LRBA: variants seen among roughly 807,000 people sequenced by gnomAD.
LRBA encodes lipopolysaccharide-responsive and beige-like anchor protein.
Under a neutral mutation model 330.0 loss-of-function variants are expected in LRBA, and 176 were observed. The ratio of observed to expected loss-of-function variants is 0.53; its 90% CI spans 0.47 to 0.60. The LOEUF is 0.60. Among genes scored for constraint, LRBA ranks in the 20% least tolerant of loss-of-function variants. The pLI, the probability that LRBA is intolerant of heterozygous loss-of-function variation, is 0.00. For synonymous variants in LRBA, 1,230 were observed against 1,193.0 expected, an observed-to-expected ratio of 1.03 and a Z score of -0.64; for missense variants, 3,259 against 3,444.8, an observed-to-expected ratio of 0.95 and a Z score of 1.35.
chr4:150,390,414 T>C (rs1420305393), intron 47 of LRBA, among the ~76,000 whole-genome samples: 7 of 152,216 alleles, frequency 4.6e-5, no homozygotes, highest in African/African-American at 1.7e-4. Context: ...CCATCTGACC[T>C]GCCTTTGCTA....
chr4:150,958,558 G>T (rs1247735025), intron 2 of LRBA, among the ~76,000 whole-genome samples: 1 of 149,204 alleles, frequency 6.7e-6, no homozygotes, highest in Non-Finnish European at 1.5e-5. Flanking sequence ...CTTTACTTAT[G>T]CAAATTTCTG....
At chr4:150,533,857 C>A (rs945086802) in intron 40 of LRBA, among the ~76,000 whole-genome samples, 2 of 152,134 alleles carry the variant, frequency 1.3e-5, no homozygotes, top group African/African-American at 4.8e-5. Context: ...ATAGAGATCA[C>A]AGTGGCTGAT....
intron 47 of LRBA, among the ~76,000 whole-genome samples, chr4:150,370,960 T>G (rs1462557528): frequency 6.6e-6 from 1 of 152,080 alleles, no homozygotes; most frequent in Non-Finnish European, 1.5e-5. Context: ...ATTGCTACTT[T>G]CTAAAGCGAA....
chr4:150,363,039 G>C lies in LRBA; in HGVS notation c.7195-12880C>G, dbSNP rs185093719. 7.9e-5 allele frequency among the ~76,000 whole-genome samples: 12 copies of C among 152,294 alleles called. No individual in the cohort carries two copies. In the East Asian group the frequency reaches 2.3e-3, roughly 29 times the overall value. ...CCAGCTACTTGGGAGGCTCATGTGGGAGGATCACTTGAGCCTGAGCAGTTG... is the reference window on the plus strand; with the variant it reads ...CCAGCTACTTGGGAGGCTCATGTGGCAGGATCACTTGAGCCTGAGCAGTTG... On this transcript the variant is annotated intron_variant, in intron 47 of 56. Coordinates refer to ENST00000651943, the MANE Select transcript of LRBA (RefSeq NM_001364905.1).
At chr4:150,270,568 T>G (rs760304597) in intron 56 of LRBA, among the ~76,000 whole-genome samples, 6 of 152,114 alleles carry the variant, frequency 3.9e-5, no homozygotes, top group Non-Finnish European at 7.4e-5. Flanking sequence ...CTGTTTATGA[T>G]GAAAAGGGTC....
At chr4:150,639,763 A>G (rs13147711) in intron 37 of LRBA, among the ~76,000 whole-genome samples, 3,958 of 9,222 alleles carry the variant, frequency 0.43, 1,125 homozygotes, top group East Asian at 0.61. Context: ...ATATATATAT[A>G]TATATATATA....
At chr4:150,921,495 T>C (rs1425154681) in intron 4 of LRBA, among the ~76,000 whole-genome samples, 1 of 152,194 alleles carries the variant, frequency 6.6e-6, no homozygotes, top group Non-Finnish European at 1.5e-5. Context: ...TAGGGCCTAT[T>C]AGGTATTCAA....
intron 35 of LRBA, among the ~76,000 whole-genome samples, chr4:150,752,125 G>C (rs146521000): frequency 5.8e-4 from 89 of 152,260 alleles, no homozygotes; most frequent in Non-Finnish European, 1.1e-3. Flanking sequence ...ACAGAGAAGA[G>C]GATAAATTGC....
At chr4:150,472,244 A>G (rs1440884552) in intron 42 of LRBA, among the ~76,000 whole-genome samples, 1 of 152,068 alleles carries the variant, frequency 6.6e-6, no homozygotes, top group Non-Finnish European at 1.5e-5. Flanking sequence ...TTTTTTTAAT[A>G]TAGCTTAATA....
chr4:150,689,187 T>C (rs1296506107), intron 36 of LRBA, among the ~76,000 whole-genome samples: 1 of 152,192 alleles, frequency 6.6e-6, no homozygotes, highest in Non-Finnish European at 1.5e-5. Flanking sequence ...GAAACCATCA[T>C]TCTCAGCAAA....
chr4:150,396,767 C>T (rs575529488), intron 47 of LRBA, among the ~76,000 whole-genome samples: 2 of 152,220 alleles, frequency 1.3e-5, no homozygotes, highest in Non-Finnish European at 2.9e-5. Flanking sequence ...AATGAATAAA[C>T]TTATAGTCTA....
At chr4:150,329,405 A>AT (rs376023761) in intron 48 of LRBA, among the ~76,000 whole-genome samples, 11 of 151,848 alleles carry the variant, frequency 7.2e-5, no homozygotes, top group African/African-American at 2.7e-4. Flanking sequence ...TTCATTTGCC[A>AT]TTTTTCATTC....
At chr4:150,411,636 T>G (rs536182866) in intron 47 of LRBA, among the ~76,000 whole-genome samples, 1 of 152,176 alleles carries the variant, frequency 6.6e-6, no homozygotes, top group Non-Finnish European at 1.5e-5. Flanking sequence ...CACAGCTTGA[T>G]GTGGCTCTGG....
At chr4:150,445,823 C>A (rs1752553238) in intron 44 of LRBA, among the ~76,000 whole-genome samples, 1 of 151,966 alleles carries the variant, frequency 6.6e-6, no homozygotes, top group South Asian at 2.1e-4. Context: ...TGCTACCACA[C>A]TGACATAATT....
In LRBA at chr4:150,692,499, C is replaced by T. The variant is rs1035549555; in HGVS notation, c.5755-8782G>A. 3.9e-5 allele frequency among the ~76,000 whole-genome samples: 6 copies of T among 152,224 alleles called. No homozygotes were observed. The South Asian group carries it at 1.2e-3, about 32-fold the overall frequency. ...CCTCCCAAAGTGCTGGGATTACAGG[C>T]ATGAGCCACCATGCCCAGCAAGAAG... On this transcript the variant is annotated intron_variant, in intron 36 of 56. Coordinates refer to ENST00000651943, the MANE Select transcript of LRBA (RefSeq NM_001364905.1).
intron 36 of LRBA, among the ~76,000 whole-genome samples, chr4:150,694,893 T>C (rs1039663918): frequency 1.3e-5 from 2 of 152,194 alleles, no homozygotes; most frequent in African/African-American, 2.4e-5. Context: ...CTTTTGGTAA[T>C]AAAAAACTTG....
chr4:150,701,427 T>C (rs552413578), intron 36 of LRBA, among the ~76,000 whole-genome samples: 29 of 152,318 alleles, frequency 1.9e-4, no homozygotes, highest in African/African-American at 6.5e-4. Flanking sequence ...TGCACTTTCA[T>C]ACGAATGGAA....
chr4:150,928,820 A>G lies in LRBA; in HGVS notation c.448+14T>C. The G allele has an allele frequency of 6.3e-7, 1 of 1,586,278 alleles. No homozygotes were observed. The highest frequency in any genetic ancestry group is 8.7e-7 in the Non-Finnish European group (1 of 1,155,482). On this transcript the variant is annotated intron_variant, in intron 3 of 56. Coordinates refer to ENST00000651943, the MANE Select transcript of LRBA (RefSeq NM_001364905.1). ...TATTTCTTTGCATATATTGTACTAT[A>G]GAAAAAATCATACCTGCTATCATAT...
chr4:150,756,711 T>C (rs2126436326), intron 35 of LRBA, among the ~76,000 whole-genome samples: 1 of 152,302 alleles, frequency 6.6e-6, no homozygotes, highest in East Asian at 1.9e-4. Flanking sequence ...AAATTTAGTA[T>C]AACACTGAAT....
Sources: gnomAD v4.1 joint callset for allele counts (sites outside exome capture counted in the v4.1 genomes callset) on GRCh38, gnomAD v4.1.1 for gene constraint, MANE v1.5 for transcripts, NCBI Gene and HGNC (gene_info 2026-07-23, HGNC 2026-07-21) for gene names.